The following CNIH3 variants were observed in gnomAD, a reference collection of about 807,000 sequenced individuals.
The protein encoded by CNIH3 is cornichon family AMPA receptor auxiliary protein 3.
CNIH3 carries 14 observed loss-of-function variants against 24.1 expected under a neutral mutation model. That is an observed-to-expected ratio of 0.58 (90% CI 0.38 to 0.91). The LOEUF (loss-of-function observed/expected upper bound fraction) is 0.91. CNIH3 is among the 40% of genes least tolerant of loss of function. The probability of loss-of-function intolerance (pLI) is 0.00; values close to 1 mark genes in which losing one functional copy is unlikely to be tolerated. For synonymous variants in CNIH3, 68 were observed against 73.8 expected (o/e 0.92, Z 0.40); for missense variants, 178 against 196.8 (o/e 0.90, Z 0.57).
At chr1:224,634,586 A>G (rs114799299) in intron 1 of CNIH3, among the ~76,000 whole-genome samples, 67,191 of 147,350 alleles carry the variant, frequency 0.46, 15,585 homozygotes, top group East Asian at 0.65. Context: ...AAAAAAAAAT[A>G]AAAAAAAAAA....
intron 1 of CNIH3, among the ~76,000 whole-genome samples, chr1:224,674,308 G>T (rs1273282392): frequency 1.9e-4 from 8 of 43,204 alleles, no homozygotes; most frequent in Admixed American, 2.7e-4. Context: ...TTTTTTTTTT[G>T]CCATAGTACA....
intron 4 of CNIH3, among the ~76,000 whole-genome samples, chr1:224,568,528 A>T (rs201329304): frequency 6.6e-6 from 1 of 152,178 alleles, no homozygotes; most frequent in East Asian, 1.9e-4. Context: ...AGGCCAAGGC[A>T]GGAGGATTGC....
chr1:224,474,074 GAA>G (rs1453084637), intron 1 of CNIH3, among the ~76,000 whole-genome samples: 1 of 152,128 alleles, frequency 6.6e-6, no homozygotes, highest in Admixed American at 6.5e-5. Context: ...ATAAAAAAAC[GAA>G]AGTTTTGGCC....
intron 4 of CNIH3, among the ~76,000 whole-genome samples, chr1:224,568,308 CA>C (rs1224747195): frequency 6.9e-6 from 1 of 145,010 alleles, no homozygotes; most frequent in African/African-American, 2.5e-5. Context: ...AGCAAACAAA[CA>C]AAAAAAATTT....
chr1:224,588,407 A>T (rs1355892114), exon 6 of CNIH3: 1 of 152,114 alleles, frequency 6.6e-6, no homozygotes, highest in Admixed American at 6.6e-5. Context: ...AGATCTATGG[A>T]GTGGGCTCAG....
At chr1:224,650,389 C>A (rs1162087696) in intron 1 of CNIH3, among the ~76,000 whole-genome samples, 1 of 152,142 alleles carries the variant, frequency 6.6e-6, no homozygotes, top group Non-Finnish European at 1.5e-5. Flanking sequence ...CACAAACTAA[C>A]CAATTTGATT....
downstream of CNIH3, among the ~76,000 whole-genome samples, chr1:224,589,977 A>C (rs1681681318): frequency 6.6e-6 from 1 of 152,126 alleles, no homozygotes; most frequent in African/African-American, 2.4e-5. Flanking sequence ...CTGGGGTTCA[A>C]GTAATTCTCC....
At chr1:224,659,587 T>C (rs954773985) in intron 1 of CNIH3, among the ~76,000 whole-genome samples, 5 of 152,106 alleles carry the variant, frequency 3.3e-5, no homozygotes, top group African/African-American at 4.8e-5. Context: ...TGAGTGAACC[T>C]TATAAAGGAA....
chr1:224,496,805 A>G (rs1677458586), intron 1 of CNIH3, among the ~76,000 whole-genome samples: 1 of 152,238 alleles, frequency 6.6e-6, no homozygotes, highest in Admixed American at 6.5e-5. Context: ...CTTGTAATGA[A>G]TGCAATACCA....
chr1:224,639,835 C>T (rs998720122), intron 1 of CNIH3, among the ~76,000 whole-genome samples: 11 of 152,190 alleles, frequency 7.2e-5, no homozygotes, highest in African/African-American at 2.7e-4. Flanking sequence ...ATAGAGAAAG[C>T]CTGGCTTCCT....
At chr1:224,494,316 C>T (rs747877561) in intron 1 of CNIH3, among the ~76,000 whole-genome samples, 3 of 152,168 alleles carry the variant, frequency 2.0e-5, no homozygotes, top group Non-Finnish European at 4.4e-5. Context: ...ACTAATTCTG[C>T]TCACATCTTT....
intron 1 of CNIH3, among the ~76,000 whole-genome samples, chr1:224,625,862 G>C (rs11804994): frequency 0.012 from 1,895 of 152,292 alleles, 42 homozygotes; most frequent in African/African-American, 0.042. Flanking sequence ...GCAGGGGGCT[G>C]CACGCTAGTC....
rs1336773205 is a variant in CNIH3 at position 224,663,842 on chromosome 1, C to T, written c.82-17116C>T. Among the ~76,000 whole-genome samples, 3 of 152,320 alleles carry T rather than the reference C, an allele frequency of 2.0e-5. No homozygotes were observed. The East Asian group carries it at 5.8e-4, about 29-fold the overall frequency. On this transcript the variant is annotated intron_variant, in intron 1 of 5. Transcript: ENST00000272133. The stretch of plus-strand genomic sequence containing the variant: ...AAAGAGAGAGACCGAAATTTACCTT[C>T]AGCCAAAAAAGAGCCAGGCAGCTGC...
chr1:224,546,029 C>A (rs1159110434), intron 2 of CNIH3, among the ~76,000 whole-genome samples: 1 of 152,160 alleles, frequency 6.6e-6, no homozygotes, highest in East Asian at 1.9e-4. Context: ...GGACACCAGT[C>A]ATACTGGGTT....
At chr1:224,655,916 A>G (rs886114848) in intron 1 of CNIH3, among the ~76,000 whole-genome samples, 1 of 152,330 alleles carries the variant, frequency 6.6e-6, no homozygotes, top group Admixed American at 6.5e-5. Context: ...CTGGGGTCTC[A>G]CTGGATGTGG....
intron 1 of CNIH3, among the ~76,000 whole-genome samples, chr1:224,465,298 G>A (rs765544958): frequency 1.3e-4 from 20 of 152,078 alleles, no homozygotes; most frequent in Non-Finnish European, 2.8e-4. Flanking sequence ...TAGTAGAGAC[G>A]GGGTTTCTCC....
At chr1:224,478,773 G>C (rs1412504142) in intron 1 of CNIH3, among the ~76,000 whole-genome samples, 1 of 152,144 alleles carries the variant, frequency 6.6e-6, no homozygotes. Context: ...ATTTACAAAA[G>C]AAAGAGTTTT....
At chr1:224,511,611 T>C (rs10916627), upstream of CNIH3, among the ~76,000 whole-genome samples, 27,688 of 150,712 alleles carry the variant, frequency 0.18, 3,405 homozygotes, top group East Asian at 0.53. Context: ...AATCCTAGCA[T>C]GTTGGGAGGC....
intron 1 of CNIH3, among the ~76,000 whole-genome samples, chr1:224,455,833 G>A (rs1046476090): frequency 6.6e-6 from 1 of 152,156 alleles, no homozygotes; most frequent in Admixed American, 6.5e-5. Context: ...TATAAACATT[G>A]TTTTACCCCT....
Sources: gnomAD v4.1 joint callset for allele counts (sites outside exome capture counted in the v4.1 genomes callset) on GRCh38, gnomAD v4.1.1 for gene constraint, MANE v1.5 for transcripts, NCBI Gene and HGNC (gene_info 2026-07-23, HGNC 2026-07-21) for gene names.